Variants in COBL observed in about 807,000 individuals in gnomAD.
COBL encodes protein cordon-bleu.
A neutral mutation model predicts 98.8 loss-of-function variants in COBL; 51 were observed. The observed-to-expected ratio is 0.52, with a 90% confidence interval of 0.41 to 0.65. The LOEUF is 0.65. COBL is among the 30% of genes least tolerant of loss of function. The pLI is 0.00. For missense variants in COBL, 1,617 were observed against 1,617.5 expected (o/e 1.00, Z 0.01); for synonymous variants, 634 against 651.7 (o/e 0.97, Z 0.41).
rs74852210 is a variant in COBL at position 51,136,911 on chromosome 7, G to T, written c.784-580C>A. 6.6e-3 allele frequency among the ~76,000 whole-genome samples: 1,012 copies of T among 152,288 alleles called. 12 individuals are homozygous for T. Among genetic ancestry groups the T allele is most frequent in the African/African-American group, 0.023 (954 of 41,548 alleles). The stretch of plus-strand genomic sequence containing the variant: ...GTACTTAGTGACAGATACCCAATAA[G>T]CTGAAAGAAATACAAGCCAACACAC... On this transcript the variant is annotated intron_variant, in intron 5 of 12. Coordinates refer to ENST00000265136, the MANE Select transcript of COBL (RefSeq NM_015198.5).
chr7:51,278,677 G>A (rs948631771), intron 1 of COBL, among the ~76,000 whole-genome samples: 1 of 152,138 alleles, frequency 6.6e-6, no homozygotes, highest in African/African-American at 2.4e-5. Context: ...ACGGCACCTG[G>A]CCTAGACAGG....
rs1312821524 is a variant in COBL at position 51,016,478 on chromosome 7, T to G, written c.*1073A>C. ...CTTTTTTCAATATAACAAAATGTTT[T>G]AGAGATATATATGAAAAACTACTGC... is the stretch of plus-strand genomic sequence containing the variant. On this transcript the variant is annotated 3_prime_UTR_variant, in exon 13 of 13. Coordinates refer to ENST00000265136, the MANE Select transcript of COBL (RefSeq NM_015198.5). The G allele has an allele frequency of 7.2e-5, 11 of 153,710 alleles. No homozygotes were observed. The South Asian group carries it at 1.2e-3, about 17-fold the overall frequency. 9.5% of individuals were successfully genotyped at this position (153,710 alleles called of 1,614,324 possible).
chr7:51,277,591 T>TTTGG (rs1563118610), intron 1 of COBL, among the ~76,000 whole-genome samples: 1 of 151,854 alleles, frequency 6.6e-6, no homozygotes, highest in Non-Finnish European at 1.5e-5. Flanking sequence ...GGCTAATTCA[T>TTTGG]GGTGTGTATA....
At chr7:51,149,862 T>A (rs1785395222) in intron 5 of COBL, among the ~76,000 whole-genome samples, 4 of 152,152 alleles carry the variant, frequency 2.6e-5, no homozygotes, top group Admixed American at 6.6e-5. Flanking sequence ...TGACCTCAGG[T>A]GATCCGCCCA....
chr7:51,038,300 G>A (rs960702179), intron 8 of COBL, among the ~76,000 whole-genome samples: 3 of 152,198 alleles, frequency 2.0e-5, no homozygotes, highest in African/African-American at 7.2e-5. Flanking sequence ...CAGCAGCGAG[G>A]CCAGTCGAAC....
chr7:51,107,112 T>G (rs1796373556), intron 6 of COBL, among the ~76,000 whole-genome samples: 1 of 137,180 alleles, frequency 7.3e-6, no homozygotes, highest in Admixed American at 7.7e-5. Context: ...TTTTTTTTTT[T>G]GAGACAGAAT....
chr7:51,293,031 C>T (rs1041192142), intron 1 of COBL, among the ~76,000 whole-genome samples: 6 of 152,242 alleles, frequency 3.9e-5, no homozygotes, highest in Non-Finnish European at 8.8e-5. Context: ...AAACTTCACA[C>T]ACACTAGAAT....
chr7:51,026,577 C>T lies in COBL; in HGVS notation c.3473G>A (p.Arg1158His), dbSNP rs140694702. Residue 1158 changes from arginine to histidine, a missense_variant, in exon 11 of 13, where the codon CGC becomes CAC. Physicochemically the swap from Arg to His is conservative, Grantham distance 29 (BLOSUM62 0). Around this residue, in one of 3 missense-constraint regions of COBL, gnomAD observed 1,304 missense variants for 1,282.0 expected, o/e 1.02. Coordinates refer to ENST00000265136, the MANE Select transcript of COBL (RefSeq NM_015198.5). Reference sequence around the variant, plus strand: ...CAGGCTGCAGGTGCCGCTGTGCCCGCGGATAGCTGCCAGCAGTGCAGATCG... The same window carrying T: ...CAGGCTGCAGGTGCCGCTGTGCCCGTGGATAGCTGCCAGCAGTGCAGATCG... ...GERSALLAAI[R>H]GHSGTCSLRK... 1.4e-4 allele frequency: 234 copies of T among 1,614,144 alleles called. No individual in the cohort carries two copies. Among genetic ancestry groups the T allele is most frequent in the Admixed American group, 3.2e-4 (19 of 60,034 alleles).
intron 1 of COBL, among the ~76,000 whole-genome samples, chr7:51,248,759 T>C (rs2129134013): frequency 6.6e-6 from 1 of 152,224 alleles, no homozygotes; most frequent in Admixed American, 6.5e-5. Flanking sequence ...CAACAAAATT[T>C]TAAAAAATAA....
Position 51,111,542 on chromosome 7 carries a change from G to A in COBL, c.957+24616C>T, listed in dbSNP as rs911715928. ...TCTTCCAGTGGCCCTGATTCTCCCCGCCGGCCCCACCTCAGCCTCAGCACG... is the reference window on the plus strand; with the variant it reads ...TCTTCCAGTGGCCCTGATTCTCCCCACCGGCCCCACCTCAGCCTCAGCACG... On this transcript the variant is annotated intron_variant, in intron 6 of 12. Coordinates refer to ENST00000265136, the MANE Select transcript of COBL (RefSeq NM_015198.5). Among the ~76,000 whole-genome samples, 9 of 152,078 alleles carry A rather than the reference G, an allele frequency of 5.9e-5. 1 individual carries two copies. Among genetic ancestry groups the A allele is most frequent in the African/African-American group, 9.7e-5 (4 of 41,418 alleles).
At chr7:51,221,365 C>G (rs535864936) in intron 1 of COBL, among the ~76,000 whole-genome samples, 2 of 152,310 alleles carry the variant, frequency 1.3e-5, no homozygotes, top group African/African-American at 4.8e-5. Context: ...GTGGGAGGCT[C>G]AAAGATGGTC....
intron 1 of COBL, among the ~76,000 whole-genome samples, chr7:51,307,213 G>A (rs1447227473): frequency 6.6e-6 from 1 of 152,164 alleles, no homozygotes; most frequent in Non-Finnish European, 1.5e-5. Flanking sequence ...GCCAGGCGTG[G>A]TGGTGCAGGC....
At chr7:51,100,922 AAC>A (rs929038512) in intron 6 of COBL, among the ~76,000 whole-genome samples, 18 of 149,296 alleles carry the variant, frequency 1.2e-4, no homozygotes, top group African/African-American at 3.9e-4. Context: ...ACAAAAAAAA[AAC>A]AACAACAAAA....
chr7:51,168,273 G>C lies in COBL; in HGVS notation c.783+15829C>G, dbSNP rs539275878. Among the ~76,000 whole-genome samples, 161 of 152,092 alleles carry C rather than the reference G, an allele frequency of 1.1e-3. 6 individuals carry two copies. The South Asian group carries it at 0.031, about 29-fold the overall frequency. ...CAAAAGGCCGGGCGCTGTAGCTTAC[G>C]CCTGTACTCCCAGCACTTTGGGCAT... On this transcript the variant is annotated intron_variant, in intron 5 of 12. Transcript: ENST00000265136.
At chr7:51,126,780 C>T (rs913210727) in intron 6 of COBL, among the ~76,000 whole-genome samples, 1 of 152,150 alleles carries the variant, frequency 6.6e-6, no homozygotes, top group African/African-American at 2.4e-5. Context: ...TAATGCTGCC[C>T]TATTTGCTCT....
chr7:51,123,108 C>G (rs544683323), intron 6 of COBL, among the ~76,000 whole-genome samples: 1 of 152,288 alleles, frequency 6.6e-6, no homozygotes, highest in Non-Finnish European at 1.5e-5. Flanking sequence ...TTTAAAGTCT[C>G]ATAACATACT....
At chr7:51,056,812 AACACACACACACAC>A (rs3047115) in intron 7 of COBL, among the ~76,000 whole-genome samples, 16 of 143,678 alleles carry the variant, frequency 1.1e-4, no homozygotes, top group African/African-American at 3.9e-4. Flanking sequence ...GTGCTCTCCC[AACACACACACACAC>A]ACACACACAC....
At position 51,219,861 on chromosome 7, in the gene COBL, T is replaced by C. The variant is rs1237324600; in HGVS notation, c.125A>G (p.Asp42Gly). ...GTTCTGCTGCGACCCGAGGGCCCCA[T>C]CGTGGGGGGGCTTCTGGTCACTGTG... ...HVHSDQKPPH[D>G]GALGSQQNLV... is the part of the protein sequence containing the mutation. The change falls in exon 2 of 13, where the codon GAT (aspartate) becomes GGT (glycine). Residue 42 changes from aspartate (D) to glycine (G), a missense_variant. Transcript: ENST00000265136. The C allele has an allele frequency of 1.9e-6, 3 of 1,613,520 alleles. No homozygotes were observed. The highest frequency in any genetic ancestry group is 2.5e-6 in the Non-Finnish European group (3 of 1,180,010).
At chr7:51,165,738 T>G (rs1344739251) in intron 5 of COBL, among the ~76,000 whole-genome samples, 2 of 151,938 alleles carry the variant, frequency 1.3e-5, no homozygotes. Flanking sequence ...CTTAAAACAT[T>G]TTTAAAAACT....
Sources: gnomAD v4.1 joint callset for allele counts (sites outside exome capture counted in the v4.1 genomes callset) on GRCh38, gnomAD v4.1.1 for gene constraint, gnomAD v4.1.1 regional missense constraint, MANE v1.5 for transcripts, NCBI Gene and HGNC (gene_info 2026-07-23, HGNC 2026-07-21) for gene names.